The following IQSEC1 variants were observed in gnomAD, a reference collection of about 807,000 sequenced individuals.
IQSEC1 encodes IQ motif and Sec7 domain ArfGEF 1.
IQSEC1 carries 31 observed loss-of-function variants against 91.0 expected under a neutral mutation model. That is an observed-to-expected ratio of 0.34 (90% CI 0.26 to 0.46). The LOEUF (loss-of-function observed/expected upper bound fraction) is 0.46, where lower values mean the gene tolerates loss of function less well. Among genes scored for constraint, IQSEC1 ranks in the 20% least tolerant of loss-of-function variants. The pLI is 1.00. For missense variants in IQSEC1, 1,388 were observed against 1,575.6 expected (o/e 0.88, Z 2.02); for synonymous variants, 699 against 662.6 (o/e 1.05, Z -0.84).
At chr3:13,028,846 G>A (rs968433061) in intron 1 of IQSEC1, among the ~76,000 whole-genome samples, 1 of 152,182 alleles carries the variant, frequency 6.6e-6, no homozygotes. Context: ...AGGTGGAGGC[G>A]ACTTGCCCTG....
chr3:13,072,208 G>A (rs945254649), intron 1 of IQSEC1, among the ~76,000 whole-genome samples: 4 of 152,236 alleles, frequency 2.6e-5, no homozygotes, highest in African/African-American at 7.2e-5. Flanking sequence ...GGCAGGTGGA[G>A]ACCTGACGCT....
At chr3:13,069,595 G>T (rs1233640618) in intron 1 of IQSEC1, among the ~76,000 whole-genome samples, 1 of 152,208 alleles carries the variant, frequency 6.6e-6, no homozygotes, top group Admixed American at 6.5e-5. Context: ...GAGGGGTCGG[G>T]ACAGTTCCAG....
intron 1 of IQSEC1, among the ~76,000 whole-genome samples, chr3:13,019,765 C>G (rs1703318018): frequency 6.6e-6 from 1 of 152,184 alleles, no homozygotes; most frequent in Admixed American, 6.5e-5. Context: ...CCCACCCCAC[C>G]ACTCTCCTCT....
chr3:12,920,012 AAAAG>A (rs1559622261), intron 6 of IQSEC1, among the ~76,000 whole-genome samples: 1 of 152,288 alleles, frequency 6.6e-6, no homozygotes, highest in African/African-American at 2.4e-5. Flanking sequence ...TCTTGCAAAG[AAAAG>A]AAAGAATGTA....
At chr3:12,905,290 T>G (rs2125038606) in intron 12 of IQSEC1, among the ~76,000 whole-genome samples, 1 of 152,362 alleles carries the variant, frequency 6.6e-6, no homozygotes, top group African/African-American at 2.4e-5. Context: ...CCTTTTCAGC[T>G]TCCTCAGAGT....
rs187333489 is a variant in IQSEC1, at chr3:13,049,259, G to A, written c.23+23733C>T. Reference sequence around the variant, plus strand: ...ACATGAGATGATACCGATACGATGCGACGAAAATACTGCAAAATGGTGCCA... The same window carrying A: ...ACATGAGATGATACCGATACGATGCAACGAAAATACTGCAAAATGGTGCCA... On this transcript the variant is annotated intron_variant, in intron 1 of 13. Transcript: ENST00000613206. Among the ~76,000 whole-genome samples the A allele has an allele frequency of 7.9e-4, 121 of 152,262 alleles. 2 individuals carry two copies. Among genetic ancestry groups the A allele is most frequent in the Admixed American group, 7.5e-3 (114 of 15,300 alleles).
chr3:12,904,369 G>A (rs141654777), intron 12 of IQSEC1, among the ~76,000 whole-genome samples: 1 of 152,354 alleles, frequency 6.6e-6, no homozygotes, highest in East Asian at 1.9e-4. Context: ...AGGGCCACAC[G>A]GCACATCAGG....
At chr3:12,903,636 T>C (rs1296480356) in intron 12 of IQSEC1, among the ~76,000 whole-genome samples, 1 of 152,198 alleles carries the variant, frequency 6.6e-6, no homozygotes, top group Non-Finnish European at 1.5e-5. Flanking sequence ...TCTGGGTGCG[T>C]AGGGCCCAGG....
intron 1 of IQSEC1, among the ~76,000 whole-genome samples, chr3:13,015,230 G>T (rs941873484): frequency 2.6e-5 from 4 of 152,288 alleles, no homozygotes; most frequent in African/African-American, 9.6e-5. Context: ...CAGGGTGGTT[G>T]TGAGGGCCGT....
chr3:12,907,165 C>T (rs540947818), intron 12 of IQSEC1, among the ~76,000 whole-genome samples: 164 of 152,280 alleles, frequency 1.1e-3, no homozygotes, highest in Non-Finnish European at 1.8e-3. Context: ...TGGGTTCAAC[C>T]CTCATGCTGG....
At position 12,983,421 on chromosome 3, in the gene IQSEC1, C is replaced by T. The variant is rs373924189; in HGVS notation, c.24-41556G>A. 6.6e-6 allele frequency among the ~76,000 whole-genome samples: 1 copy of T among 152,138 alleles called. No individual in the cohort carries two copies. Among genetic ancestry groups the T allele is most frequent in the Non-Finnish European group, 1.5e-5 (1 of 68,014 alleles). ...GAAGCATGGCTCACTCCTGGCCTGA[C>T]CAAAGCAATCCCCAGCCCCACCTCT... On this transcript the variant is annotated intron_variant, in intron 1 of 13. Transcript: ENST00000613206. This position sits in a 1 kb window ranked among gnomAD's most constrained non-coding sequence, Gnocchi z 4.3.
chr3:13,058,291 A>C (rs73018507), intron 1 of IQSEC1, among the ~76,000 whole-genome samples: 8,684 of 152,250 alleles, frequency 0.057, 256 homozygotes, highest in South Asian at 0.098. Context: ...GAAAAGGAAA[A>C]AATAATTTTC....
intron 1 of IQSEC1, among the ~76,000 whole-genome samples, chr3:13,016,219 G>C (rs866723267): frequency 6.6e-6 from 1 of 152,244 alleles, no homozygotes; most frequent in Non-Finnish European, 1.5e-5. Flanking sequence ...GCCAGTGTCC[G>C]GGCCCAGGCC....
chr3:13,051,665 C>T (rs555299513), intron 1 of IQSEC1, among the ~76,000 whole-genome samples: 2 of 152,330 alleles, frequency 1.3e-5, no homozygotes, highest in Admixed American at 1.3e-4. Context: ...CAGTCTCCAG[C>T]ACCAGCCTGG....
intron 2 of IQSEC1, among the ~76,000 whole-genome samples, chr3:13,114,321 G>A (rs967723947): frequency 6.6e-6 from 1 of 152,184 alleles, no homozygotes; most frequent in African/African-American, 2.4e-5. Flanking sequence ...TACAGGTGGG[G>A]TGTCACGGCA....
At chr3:13,177,310 G>A (rs1366560808) in intron 1 of IQSEC1, among the ~76,000 whole-genome samples, 1 of 152,212 alleles carries the variant, frequency 6.6e-6, no homozygotes, top group African/African-American at 2.4e-5. Flanking sequence ...CCAGGAGCTG[G>A]GCCTACAGCA....
Position 12,994,021 on chromosome 3 carries a change from C to T in IQSEC1, c.24-52156G>A, listed in dbSNP as rs1218504949. ...TCCCGGCTGCAGCCCCAGCGACCCCCGCCCGGGGCCCCGCACCGCACCGGT... is the reference window on the plus strand; with the variant it reads ...TCCCGGCTGCAGCCCCAGCGACCCCTGCCCGGGGCCCCGCACCGCACCGGT... On this transcript the variant is annotated intron_variant, in intron 1 of 13. Coordinates refer to ENST00000613206, the MANE Select transcript of IQSEC1 (RefSeq NM_001134382.3). The surrounding 1 kb of genome is among the most constrained non-coding windows in gnomAD (Gnocchi z 4.5). Among the ~76,000 whole-genome samples, 1 of 149,724 alleles carries T rather than the reference C, an allele frequency of 6.7e-6. No individual in the cohort carries two copies. Among genetic ancestry groups the T allele is most frequent in the East Asian group, 2.0e-4 (1 of 5,120 alleles).
rs113255354 is a variant in IQSEC1, at chr3:13,123,907, G to A, written c.302+40197C>T. Among the ~76,000 whole-genome samples, 493 of 152,322 alleles carry A rather than the reference G, an allele frequency of 3.2e-3. 1 individual carries two copies. The highest frequency in any genetic ancestry group is 5.2e-3 in the Non-Finnish European group (357 of 68,018). On this transcript the variant is annotated intron_variant, in intron 2 of 15. Transcript: ENST00000648114. The stretch of plus-strand genomic sequence containing the variant: ...CAGGGGTCTGCAAACCATGGCTCTC[G>A]AGCCAAATCTAGCCTGCGGCTTGCT...
At chr3:13,264,846 CTCTT>C (rs1187114056) in intron 1 of IQSEC1, among the ~76,000 whole-genome samples, 1 of 151,904 alleles carries the variant, frequency 6.6e-6, no homozygotes. Flanking sequence ...TCCTCTCCCT[CTCTT>C]TCTGTCTATC....
Sources: allele counts gnomAD v4.1 joint callset (sites outside exome capture counted in the v4.1 genomes callset), GRCh38; gene constraint gnomAD v4.1.1; non-coding constraint Gnocchi (gnomAD v3.1); transcripts MANE v1.5; gene names NCBI Gene and HGNC (gene_info 2026-07-23, HGNC 2026-07-21).